NCBP1: variants seen among roughly 807,000 people sequenced by gnomAD.
The protein encoded by NCBP1 is nuclear cap-binding protein subunit 1.
A neutral mutation model predicts 111.7 loss-of-function variants in NCBP1; 16 were observed. That is an observed-to-expected ratio of 0.14 (90% CI 0.10 to 0.22). The LOEUF is 0.22. NCBP1 is among the 10% of genes least tolerant of loss of function. The pLI is 1.00. For missense variants in NCBP1, 607 were observed against 957.5 expected (o/e 0.63, Z 4.83); for synonymous variants, 304 against 314.3 (o/e 0.97, Z 0.35).
rs752719793 is a variant in NCBP1, at chr9:97,645,642, T to G, written c.521T>G (p.Leu174Arg). The change falls in exon 6 of 23, where the codon CTG becomes CGG. Residue 174 changes from leucine to arginine, a missense_variant. Leu to Arg is a moderately radical substitution (Grantham distance 102). This residue lies in a region of NCBP1 where 185 missense variants were observed against 272.0 expected (regional missense o/e 0.68). Transcript: ENST00000375147. ...VRRDWYVYAF[L>R]SSLPWVGKEL... ...CGAGATTGGTATGTGTATGCATTTCTGTCATCTTTGCCCTGGGTTGGAAAG... is the reference window on the plus strand; with the variant it reads ...CGAGATTGGTATGTGTATGCATTTCGGTCATCTTTGCCCTGGGTTGGAAAG... 1 of 1,614,076 alleles carries G rather than the reference T, an allele frequency of 6.2e-7. No individual in the cohort carries two copies. The highest frequency in any genetic ancestry group is 8.5e-7 in the Non-Finnish European group (1 of 1,179,932).
rs779574979 is a variant in NCBP1, at chr9:97,650,484, C to T, written c.898-19C>T. On this transcript the variant is annotated intron_variant, in intron 8 of 22. Coordinates refer to ENST00000375147, the MANE Select transcript of NCBP1 (RefSeq NM_002486.5). ...CTGTTTTCTAGGCCTGTAGTGTACA[C>T]ATTTGGTTTTCTTTCCAGGGTCCTG... 3.2e-6 allele frequency: 5 copies of T among 1,573,466 alleles called. No homozygotes were observed. The highest frequency in any genetic ancestry group is 4.4e-6 in the Non-Finnish European group (5 of 1,144,154).
Position 97,655,691 on chromosome 9 carries a change from T to C in NCBP1, c.1236-11T>C. ...CCTTTTTCTCTGCCTACCTCCCCCT[T>C]CTCTACGTAGGTTTATTAATTGGTT... On this transcript the variant is annotated splice_polypyrimidine_tract_variant and intron_variant, in intron 12 of 22. Transcript: ENST00000375147. 1 of 1,604,238 alleles carries C rather than the reference T, an allele frequency of 6.2e-7. No homozygotes were observed. Among genetic ancestry groups the C allele is most frequent in the Non-Finnish European group, 8.5e-7 (1 of 1,175,242 alleles).
chr9:97,658,721 C>T lies in NCBP1; in HGVS notation c.1455C>T (p.Tyr485=), dbSNP rs1157317177. 6 of 1,609,538 alleles carry T rather than the reference C, an allele frequency of 3.7e-6. No homozygotes were observed. Among genetic ancestry groups the T allele is most frequent in the Non-Finnish European group, 5.1e-6 (6 of 1,175,978 alleles). The change falls in exon 15 of 23, where the codon TAC becomes TAT. Residue 485 remains tyrosine, a synonymous_variant. Transcript: ENST00000375147. ...ALCPANPTCI[Y]KYGDESSNSL... Reference sequence around the variant, plus strand: ...GTCCTGCAAACCCAACCTGCATTTACAAGTATGGAGATGAAAGTAGCAGTA... The same window carrying T: ...GTCCTGCAAACCCAACCTGCATTTATAAGTATGGAGATGAAAGTAGCAGTA...
At chr9:97,663,673 T>C (rs1049873477) in intron 18 of NCBP1, among the ~76,000 whole-genome samples, 1 of 151,588 alleles carries the variant, frequency 6.6e-6, no homozygotes, top group African/African-American at 2.4e-5. Context: ...TTAGTAGAGA[T>C]GGGGTTTCAC....
chr9:97,634,343 C>T (rs1826930075), intron 1 of NCBP1, among the ~76,000 whole-genome samples: 1 of 152,228 alleles, frequency 6.6e-6, no homozygotes, highest in Non-Finnish European at 1.5e-5. Context: ...ACTGAGAGAT[C>T]TCATGAGTTG....
chr9:97,646,695 A>G (rs963247123), intron 6 of NCBP1, among the ~76,000 whole-genome samples: 1 of 151,710 alleles, frequency 6.6e-6, no homozygotes, highest in Non-Finnish European at 1.5e-5. Flanking sequence ...AAATTAGCCG[A>G]GCGTGGTGGT....
intron 6 of NCBP1, among the ~76,000 whole-genome samples, chr9:97,646,719 C>A (rs1381850134): frequency 6.6e-6 from 1 of 151,718 alleles, no homozygotes; most frequent in East Asian, 1.9e-4. Flanking sequence ...TGCCTGTAAT[C>A]CCAGCTACTC....
chr9:97,633,985 C>T (rs763651183), intron 1 of NCBP1, 70 bp downstream of exon 1: 209 of 1,468,920 alleles, frequency 1.4e-4, no homozygotes, highest in Non-Finnish European at 1.8e-4. Flanking sequence ...CTTTGGGTGT[C>T]CACGGAAGAG....
chr9:97,655,634 A>G (rs1055073606), intron 12 of NCBP1, 68 bp from the exon 13 acceptor site: 5 of 1,323,124 alleles, frequency 3.8e-6, no homozygotes, highest in Admixed American at 2.0e-5. Context: ...GAAGGCTTAT[A>G]TAAGTTTCTG....
chr9:97,649,044 G>GT (rs1827428061), intron 8 of NCBP1, among the ~76,000 whole-genome samples: 1 of 152,144 alleles, frequency 6.6e-6, no homozygotes, highest in Non-Finnish European at 1.5e-5. Context: ...AAAGTACCTA[G>GT]TTTTAGGTAT....
intron 6 of NCBP1, among the ~76,000 whole-genome samples, chr9:97,646,041 G>C (rs1427157321): frequency 6.6e-6 from 1 of 152,184 alleles, no homozygotes; most frequent in African/African-American, 2.4e-5. Flanking sequence ...AGAATTACCT[G>C]TGGTACTTAA....
chr9:97,645,314 G>T, intron 5 of NCBP1, 90 bp downstream of exon 5: 1 of 1,028,416 alleles, frequency 9.7e-7, no homozygotes, highest in South Asian at 1.4e-5. Context: ...ATTTTTCGCT[G>T]ATAACCCATT....
chr9:97,635,105 T>C (rs1050598428), intron 1 of NCBP1, among the ~76,000 whole-genome samples: 14 of 152,222 alleles, frequency 9.2e-5, no homozygotes, highest in African/African-American at 2.7e-4. Context: ...TTGAGTGTTG[T>C]GGCAGTTGAG....
intron 1 of NCBP1, chr9:97,634,714 A>G (rs553873264): frequency 6.6e-6 from 1 of 152,242 alleles, no homozygotes; most frequent in East Asian, 1.9e-4. Flanking sequence ...CCACACACCA[A>G]AAAAGTAAAA....
intron 1 of NCBP1, among the ~76,000 whole-genome samples, chr9:97,638,640 A>G (rs181790413): frequency 6.6e-5 from 10 of 152,292 alleles, no homozygotes; most frequent in Admixed American, 2.6e-4. Context: ...CATTCTCCCA[A>G]CCTCACTGAA....
chr9:97,673,287 ATGT>A lies in NCBP1; in HGVS notation c.*2093_*2095del, dbSNP rs879763227. 6.6e-4 allele frequency: 100 copies of A among 152,260 alleles called. 1 individual carries two copies. The highest frequency in any genetic ancestry group is 2.3e-3 in the African/African-American group (97 of 41,556). The allele number at this position is 152,260 out of a possible 1,614,324, so 9.4% of individuals were successfully genotyped here. A position where few individuals can be genotyped will look rare whatever the true frequency, so the allele number is the denominator to read the frequency against. ...GCGGGGTGTCAGCATCCCTAACCCCATGTTGTTCAAGGGTCAACTGTAGTTTAA... is the reference window on the plus strand; with the variant it reads ...GCGGGGTGTCAGCATCCCTAACCCCATGTTCAAGGGTCAACTGTAGTTTAA... On this transcript the variant is annotated 3_prime_UTR_variant, in exon 23 of 23. Coordinates refer to ENST00000375147, the MANE Select transcript of NCBP1 (RefSeq NM_002486.5).
chr9:97,665,348 C>T lies in NCBP1; in HGVS notation c.1901+905C>T, dbSNP rs372360336. Among the ~76,000 whole-genome samples, 233 of 152,346 alleles carry T rather than the reference C, an allele frequency of 1.5e-3. 1 individual carries two copies. Among genetic ancestry groups the T allele is most frequent in the African/African-American group, 5.4e-3 (225 of 41,576 alleles). On this transcript the variant is annotated intron_variant, in intron 19 of 22. Transcript: ENST00000375147. ...GATTTACGTTTTCAATTCATTTTAT[C>T]CTTACCGCATCACCGTAGAGAAGGT...
At chr9:97,662,899 TA>T (rs1827879494) in intron 17 of NCBP1, 54 bp from the exon 18 acceptor site, 1 of 1,332,206 alleles carries the variant, frequency 7.5e-7, no homozygotes, top group Non-Finnish European at 1.1e-6. Flanking sequence ...TTGAAAACAC[TA>T]AAATGTTTAA....
chr9:97,647,426 T>C, intron 6 of NCBP1, 66 bp from the exon 7 acceptor site: 1 of 1,257,196 alleles, frequency 8.0e-7, no homozygotes, highest in Non-Finnish European at 1.2e-6. Context: ...TTTTAATAAC[T>C]GTGAGGGTGA....
Sources: gnomAD v4.1 joint callset for allele counts (sites outside exome capture counted in the v4.1 genomes callset) on GRCh38, gnomAD v4.1.1 for gene constraint, gnomAD v4.1.1 regional missense constraint, MANE v1.5 for transcripts, NCBI Gene and HGNC (gene_info 2026-07-23, HGNC 2026-07-21) for gene names.